The following GRM8 variants were observed in gnomAD, a reference collection of about 807,000 sequenced individuals.
The protein encoded by GRM8 is glutamate metabotropic receptor 8.
GRM8 carries 47 observed loss-of-function variants against 87.2 expected under a neutral mutation model. The observed-to-expected ratio is 0.54, with a 90% CI of 0.43 to 0.69. The LOEUF (loss-of-function observed/expected upper bound fraction) is 0.69. Ranked by LOEUF, GRM8 falls within the 30% of genes least tolerant of loss-of-function variation. The probability of loss-of-function intolerance (pLI) is 0.00; values close to 1 mark genes in which losing one functional copy is unlikely to be tolerated. For synonymous variants in GRM8, 396 were observed against 404.5 expected (o/e 0.98, Z 0.25); for missense variants, 1,019 against 1,139.2 (o/e 0.89, Z 1.52).
At chr7:126,900,765 C>T (rs1801999159) in intron 6 of GRM8, among the ~76,000 whole-genome samples, 1 of 152,192 alleles carries the variant, frequency 6.6e-6, no homozygotes, top group South Asian at 2.1e-4. Context: ...CCACCTCGGC[C>T]TCCCAAAGTG....
intron 3 of GRM8, among the ~76,000 whole-genome samples, chr7:127,035,823 G>T (rs976340881): frequency 1.3e-5 from 2 of 152,228 alleles, no homozygotes; most frequent in African/African-American, 2.4e-5. Context: ...TCCCCATACT[G>T]CTTCCCTCTC....
At chr7:127,101,361 T>C (rs1343947373) in intron 3 of GRM8, among the ~76,000 whole-genome samples, 1 of 152,184 alleles carries the variant, frequency 6.6e-6, no homozygotes, top group Non-Finnish European at 1.5e-5. Flanking sequence ...TGATATAATA[T>C]GAGTATTTGT....
intron 8 of GRM8, among the ~76,000 whole-genome samples, chr7:126,552,124 A>G (rs1317900481): frequency 6.6e-6 from 1 of 152,136 alleles, no homozygotes; most frequent in Non-Finnish European, 1.5e-5. Flanking sequence ...TTCAAGAATT[A>G]TTTCAAATGC....
intron 6 of GRM8, among the ~76,000 whole-genome samples, chr7:126,833,374 T>C (rs1373654731): frequency 1.3e-5 from 2 of 152,228 alleles, no homozygotes; most frequent in African/African-American, 2.4e-5. Context: ...ACTCCAGCTA[T>C]GTCCAGATAC....
At chr7:126,539,292 G>T (rs991421922) in intron 8 of GRM8, among the ~76,000 whole-genome samples, 4 of 151,670 alleles carry the variant, frequency 2.6e-5, no homozygotes, top group Non-Finnish European at 5.9e-5. Flanking sequence ...GAAAAAAAAA[G>T]TATAAATAGT....
Position 127,106,506 on chromosome 7 carries a change from C to A in GRM8, c.717G>T (p.Ser239=). 6.2e-7 allele frequency: 1 copy of A among 1,612,524 alleles called. No individual in the cohort carries two copies. Among genetic ancestry groups the A allele is most frequent in the Non-Finnish European group, 8.5e-7 (1 of 1,178,648 alleles). ...TAAATATATGCTTACCAATCTCCCT[C>A]GAGATCTGGGTGAAGGCCTCCACAC... The part of the protein sequence containing the change: ...ESGVEAFTQI[S]REIGGVCIAQ... The change falls in exon 3 of 11, where the codon TCG becomes TCT. Residue 239 remains serine, a synonymous_variant. Coordinates refer to ENST00000339582, the MANE Select transcript of GRM8 (RefSeq NM_000845.3).
At chr7:126,504,909 A>G (rs1810213124) in intron 9 of GRM8, among the ~76,000 whole-genome samples, 1 of 152,056 alleles carries the variant, frequency 6.6e-6, no homozygotes, top group Non-Finnish European at 1.5e-5. Context: ...TTTTATTACT[A>G]ACTATAATAC....
intron 2 of GRM8, among the ~76,000 whole-genome samples, chr7:127,189,793 T>C (rs1300039419): frequency 6.6e-6 from 1 of 152,110 alleles, no homozygotes; most frequent in African/African-American, 2.4e-5. Flanking sequence ...CCCTCAAATT[T>C]ATACTGTTAG....
At chr7:126,597,245 T>C (rs1333408207) in intron 8 of GRM8, among the ~76,000 whole-genome samples, 5 of 152,104 alleles carry the variant, frequency 3.3e-5, no homozygotes, top group African/African-American at 1.2e-4. Flanking sequence ...ACGAGAAATT[T>C]TTGATTCAGT....
intron 9 of GRM8, among the ~76,000 whole-genome samples, chr7:126,522,193 C>A (rs1813081057): frequency 1.3e-5 from 2 of 152,134 alleles, no homozygotes; most frequent in East Asian, 1.9e-4. Context: ...ATCTCATTTT[C>A]CATTGTCTTC....
chr7:126,936,378 C>T (rs1806321963), intron 3 of GRM8, among the ~76,000 whole-genome samples: 1 of 152,100 alleles, frequency 6.6e-6, no homozygotes, highest in Non-Finnish European at 1.5e-5. Context: ...GGGCTTGCCA[C>T]GACTCCAGTC....
rs142656229 is a variant in GRM8, at chr7:127,204,391, G to C, written c.510+38304C>G. Among the ~76,000 whole-genome samples the C allele has an allele frequency of 1.5e-3, 224 of 152,262 alleles. 1 individual carries two copies. The highest frequency in any genetic ancestry group is 5.2e-3 in the African/African-American group (216 of 41,562). ...GCAGCTAAATGTCAGAGAGCCAAGGGTTCCACCAAGATTTCCCAAAGCACA... is the reference window on the plus strand; with the variant it reads ...GCAGCTAAATGTCAGAGAGCCAAGGCTTCCACCAAGATTTCCCAAAGCACA... On this transcript the variant is annotated intron_variant, in intron 2 of 10. Transcript: ENST00000339582.
Position 126,655,703 on chromosome 7 carries a change from A to T in GRM8, c.1358-46205T>A, listed in dbSNP as rs1295525704. ...CATCTGAATCAGTATTATTGTTTTA[A>T]TTTATCAAATAATGTCCAAAATTAT... On this transcript the variant is annotated intron_variant, in intron 7 of 10. Transcript: ENST00000339582. Among the ~76,000 whole-genome samples the T allele has an allele frequency of 2.0e-5, 3 of 152,232 alleles. No individual in the cohort carries two copies. The East Asian group carries it at 5.8e-4, about 29-fold the overall frequency.
Position 126,600,878 on chromosome 7 carries a change from G to A in GRM8, c.1494+8484C>T, listed in dbSNP as rs536078256. On this transcript the variant is annotated intron_variant, in intron 8 of 10. Coordinates refer to ENST00000339582, the MANE Select transcript of GRM8 (RefSeq NM_000845.3). ...TAAAAATCATCTTGTTGCAAGGAAA[G>A]GAAACAGAACAAAGTATTTTCATAA... Among the ~76,000 whole-genome samples, 14 of 152,044 alleles carry A rather than the reference G, an allele frequency of 9.2e-5. No homozygotes were observed. In the South Asian group the frequency reaches 2.5e-3, roughly 27 times the overall value.
At chr7:127,236,585 C>T (rs962403444) in intron 2 of GRM8, among the ~76,000 whole-genome samples, 8 of 152,114 alleles carry the variant, frequency 5.3e-5, no homozygotes, top group African/African-American at 1.9e-4. Context: ...GAAAACCACC[C>T]CCATGATTCA....
At chr7:126,831,534 A>G (rs948505456) in intron 6 of GRM8, among the ~76,000 whole-genome samples, 3 of 152,178 alleles carry the variant, frequency 2.0e-5, no homozygotes, top group African/African-American at 4.8e-5. Context: ...CTGGTATGCC[A>G]TTTCCTAAGC....
At chr7:127,046,392 A>T (rs188738777) in intron 3 of GRM8, among the ~76,000 whole-genome samples, 1 of 152,276 alleles carries the variant, frequency 6.6e-6, no homozygotes, top group East Asian at 1.9e-4. Flanking sequence ...AAAAATAAAA[A>T]AAAAAGAAAA....
chr7:127,172,338 T>A (rs1793855163), intron 2 of GRM8, among the ~76,000 whole-genome samples: 1 of 152,214 alleles, frequency 6.6e-6, no homozygotes, highest in Non-Finnish European at 1.5e-5. Context: ...TTTTTTCCTT[T>A]TATGTACATA....
At chr7:126,699,428 A>C (rs767753874) in intron 7 of GRM8, among the ~76,000 whole-genome samples, 3 of 152,216 alleles carry the variant, frequency 2.0e-5, no homozygotes, top group Non-Finnish European at 4.4e-5. Flanking sequence ...TCAAAAATGT[A>C]AAATTTAAAG....
Sources: allele counts gnomAD v4.1 joint callset (sites outside exome capture counted in the v4.1 genomes callset), GRCh38; gene constraint gnomAD v4.1.1; transcripts MANE v1.5; gene names NCBI Gene and HGNC (gene_info 2026-07-23, HGNC 2026-07-21).